Variants in GTF2H2C observed in about 807,000 individuals in gnomAD.
The protein encoded by GTF2H2C is general transcription factor IIH subunit 2-like protein.
A neutral mutation model predicts 24.8 loss-of-function variants in GTF2H2C; 5 were observed. The ratio of observed to expected loss-of-function variants is 0.20; its 90% CI spans 0.11 to 0.42. GTF2H2C has a LOEUF of 0.42. Among genes scored for constraint, GTF2H2C ranks in the 20% least tolerant of loss-of-function variants. The pLI is 1.00. For synonymous variants in GTF2H2C, 14 were observed against 52.6 expected (o/e 0.27, Z 3.18); for missense variants, 45 against 169.8 (o/e 0.27, Z 4.08).
chr5:69,560,227 CCTT>C lies in GTF2H2C; in HGVS notation c.-305_-303del, dbSNP rs1470632169. The C allele has an allele frequency of 6.6e-6, 1 of 152,356 alleles. No homozygotes were observed. Among genetic ancestry groups the C allele is most frequent in the African/African-American group, 2.4e-5 (1 of 41,520 alleles). 9.4% of individuals were successfully genotyped at this position (152,356 alleles called of 1,614,324 possible). A position where few individuals can be genotyped will look rare whatever the true frequency, so the allele number is the denominator to read the frequency against. On this transcript the variant is annotated 5_prime_UTR_variant, in exon 1 of 17. Coordinates refer to ENST00000380729, the MANE Select transcript of GTF2H2C (RefSeq NM_001376000.2). The stretch of plus-strand genomic sequence containing the variant: ...TCGGGCTGAGTTTCCGGCTGAGAGT[CCTT>C]CTAGCGGCGCCGGTGAGTCCGCGTG...
intron 2 of GTF2H2C, among the ~76,000 whole-genome samples, chr5:69,563,513 C>A (rs1455562870): frequency 6.7e-6 from 1 of 149,302 alleles, no homozygotes; most frequent in East Asian, 1.9e-4. Flanking sequence ...TGCACCTGGC[C>A]CTGGCCTGTG....
chr5:69,564,469 TCA>T (rs1770616079), intron 2 of GTF2H2C, among the ~76,000 whole-genome samples: 3 of 140,776 alleles, frequency 2.1e-5, no homozygotes, highest in Non-Finnish European at 4.6e-5. Context: ...CAAACCCATC[TCA>T]CCACCAGTTA....
chr5:69,565,893 T>G, intron 3 of GTF2H2C: 2 of 558,548 alleles, frequency 3.6e-6, no homozygotes, highest in South Asian at 4.1e-5. Flanking sequence ...TTGCAGTGTG[T>G]ATTAATACTT....
chr5:69,582,908 G>A (rs1419752149), intron 13 of GTF2H2C, among the ~76,000 whole-genome samples: 1 of 31,616 alleles, frequency 3.2e-5, no homozygotes, highest in Non-Finnish European at 7.7e-5. Context: ...TACTAACATC[G>A]CAGTTATATA....
At chr5:69,563,587 T>C (rs1281213798) in intron 2 of GTF2H2C, among the ~76,000 whole-genome samples, 1 of 152,046 alleles carries the variant, frequency 6.6e-6, no homozygotes, top group African/African-American at 2.4e-5. Context: ...GTTGGTTACA[T>C]GGATAAATTG....
At chr5:69,561,741 T>C (rs1770369216) in intron 1 of GTF2H2C, among the ~76,000 whole-genome samples, 1 of 151,798 alleles carries the variant, frequency 6.6e-6, no homozygotes, top group Non-Finnish European at 1.5e-5. Flanking sequence ...TCTCCTGGGC[T>C]CAAGCCATCC....
intron 15 of GTF2H2C, among the ~76,000 whole-genome samples, chr5:69,589,875 C>CTTTTTTTTTTTTTTTTTT (rs1160077149): frequency 1.7e-5 from 1 of 60,358 alleles, no homozygotes; most frequent in African/African-American, 7.0e-5. Context: ...TATTGCTATT[C>CTTTTTTTTTTTTTTTTTT]TTTTTTTTTT....
intron 15 of GTF2H2C, among the ~76,000 whole-genome samples, chr5:69,589,875 C>CTT (rs1160077149): frequency 0.051 from 3,074 of 60,556 alleles, 87 homozygotes; most frequent in African/African-American, 0.082. Context: ...TATTGCTATT[C>CTT]TTTTTTTTTT....
At chr5:69,591,239 A>G (rs2112271523) in intron 16 of GTF2H2C, among the ~76,000 whole-genome samples, 1 of 54,792 alleles carries the variant, frequency 1.8e-5, no homozygotes, top group East Asian at 4.2e-4. Context: ...AGCTGGGATT[A>G]TAGGCGTGCA....
At chr5:69,565,930 T>A in intron 3 of GTF2H2C, 2 of 589,552 alleles carry the variant, frequency 3.4e-6, no homozygotes, top group South Asian at 4.1e-5. Context: ...CTGAATAGTA[T>A]TCCCATCTAT....
In GTF2H2C at chr5:69,582,839, GATACCATC is replaced by G. The variant is rs1771674421; in HGVS notation, c.821+413_821+420del. Among the ~76,000 whole-genome samples the G allele has an allele frequency of 6.3e-5, 2 of 31,540 alleles. 1 individual carries two copies. The highest frequency in any genetic ancestry group is 1.5e-4 in the Non-Finnish European group (2 of 13,126). 20.7% of individuals were successfully genotyped at this position (31,540 alleles called of 152,430 possible). A position where few individuals can be genotyped will look rare whatever the true frequency, so the allele number is the denominator to read the frequency against. On this transcript the variant is annotated intron_variant, in intron 13 of 16. Transcript: ENST00000380729. ...CATTCTGAGAAATGCGTCATTAGGT[GATACCATC>G]ATTGTGCAAACATCACAGAGTGCAC...
In GTF2H2C at chr5:69,566,218, C is replaced by T. The variant is rs779948230; in HGVS notation, c.134+10C>T. The T allele has an allele frequency of 2.7e-5, 44 of 1,610,414 alleles. 1 individual carries two copies. In the Middle Eastern group the frequency reaches 1.3e-3, roughly 49 times the overall value. ...AGGCAAAGAGAAAAAGGTATGTAAC[C>T]TTCCTACGTATCTTAAAAAGGTAAA... On this transcript the variant is annotated intron_variant, in intron 4 of 16. Transcript: ENST00000380729.
At chr5:69,562,178 G>A (rs1770405720) in intron 1 of GTF2H2C, among the ~76,000 whole-genome samples, 1 of 152,214 alleles carries the variant, frequency 6.6e-6, no homozygotes, top group Non-Finnish European at 1.5e-5. Context: ...AGTTAGCCAG[G>A]TGTGGTGGTG....
At chr5:69,561,919 G>C (rs1580610723) in intron 1 of GTF2H2C, among the ~76,000 whole-genome samples, 1 of 152,220 alleles carries the variant, frequency 6.6e-6, no homozygotes, top group Non-Finnish European at 1.5e-5. Flanking sequence ...ACAGGTTTGA[G>C]CCACTGTGCC....
At chr5:69,565,388 G>A (rs1334438336) in intron 3 of GTF2H2C, 200 bp downstream of exon 3, 1 of 148,376 alleles carries the variant, frequency 6.7e-6, no homozygotes, top group Non-Finnish European at 1.2e-5. Flanking sequence ...ACTCCAGTAA[G>A]ATCCTTCACA....
chr5:69,562,353 G>T (rs1180975418), intron 1 of GTF2H2C, among the ~76,000 whole-genome samples: 1 of 152,018 alleles, frequency 6.6e-6, no homozygotes, highest in Admixed American at 6.6e-5. Context: ...CTGTTTACAG[G>T]CAGATCACTT....
intron 8 of GTF2H2C, chr5:69,568,535 G>T: frequency 7.8e-6 from 1 of 128,320 alleles, no homozygotes; most frequent in Non-Finnish European, 1.3e-5. Context: ...GTCTTGCTCT[G>T]TCGCCAGGCT....
intron 5 of GTF2H2C, 114 bp downstream of exon 5, chr5:69,566,739 A>G: frequency 2.1e-6 from 1 of 486,596 alleles, no homozygotes; most frequent in Non-Finnish European, 3.3e-6. Context: ...GAATATGTTA[A>G]AAATACGTGC....
At chr5:69,563,540 T>A (rs935044195) in intron 2 of GTF2H2C, among the ~76,000 whole-genome samples, 2 of 152,098 alleles carry the variant, frequency 1.3e-5, no homozygotes, top group Non-Finnish European at 1.5e-5. Context: ...TGTTTTGTTT[T>A]GTTTTCAACT....
Sources: gnomAD v4.1 joint callset for allele counts (sites outside exome capture counted in the v4.1 genomes callset) on GRCh38, gnomAD v4.1.1 for gene constraint, MANE v1.5 for transcripts, NCBI Gene and HGNC (gene_info 2026-07-23, HGNC 2026-07-21) for gene names.